EIF4G2: variants seen among roughly 807,000 people sequenced by gnomAD.
EIF4G2 encodes DAP-5.
Under a neutral mutation model 117.7 loss-of-function variants are expected in EIF4G2, and 8 were observed. The observed-to-expected ratio is 0.07, with a 90% CI of 0.04 to 0.12. The LOEUF is 0.12. EIF4G2 is among the 10% of genes least tolerant of loss of function. EIF4G2 has a pLI of 1.00. For missense variants in EIF4G2, 812 were observed against 1,086.2 expected, an observed-to-expected ratio of 0.75 and a Z score of 3.55; for synonymous variants, 413 against 367.8, an observed-to-expected ratio of 1.12 and a Z score of -1.41.
chr11:10,798,845 C>T (rs1847338499), intron 21 of EIF4G2, 147 bp downstream of exon 21: 1 of 950,574 alleles, frequency 1.1e-6, no homozygotes, highest in Non-Finnish European at 1.6e-6. Flanking sequence ...ATAATAGCTT[C>T]AAATAGTGCA....
At chr11:10,808,175 G>A (rs1242155332) in intron 1 of EIF4G2, 20 of 1,114,466 alleles carry the variant, frequency 1.8e-5, no homozygotes, top group African/African-American at 3.5e-5. Flanking sequence ...ACTGACAACC[G>A]CCTCGCCACG....
At chr11:10,806,302 T>C in intron 3 of EIF4G2, 1 of 527,660 alleles carries the variant, frequency 1.9e-6, no homozygotes, top group Non-Finnish European at 3.4e-6. Context: ...GCATGTCTAG[T>C]AAATATTCCC....
At chr11:10,800,674 G>A (rs774005557) in intron 16 of EIF4G2, 27 bp from the exon 17 acceptor site, 2 of 1,613,770 alleles carry the variant, frequency 1.2e-6, no homozygotes, top group Admixed American at 1.7e-5. Context: ...TATCTTTAAT[G>A]TATTCTCTAT....
Position 10,803,619 on chromosome 11 carries a change from A to G in EIF4G2, c.703-29T>C. ...CAAGAATAAAAGGCCATGGTGACAA[A>G]GTTTTAGTTACTCTGGTTTAGGCGT... On this transcript the variant is annotated intron_variant, in intron 8 of 21. Coordinates refer to ENST00000339995, the MANE Select transcript of EIF4G2 (RefSeq NM_001418.4). The surrounding 1 kb of genome is among the most constrained non-coding windows in gnomAD (Gnocchi z 4.0). 1 of 1,577,930 alleles carries G rather than the reference A, an allele frequency of 6.3e-7. No homozygotes were observed. Among genetic ancestry groups the G allele is most frequent in the Non-Finnish European group, 8.7e-7 (1 of 1,149,664 alleles).
rs1034809610 is a variant in EIF4G2 at position 10,804,404 on chromosome 11, G to A, written c.366C>T (p.Ala122=). Residue 122 remains alanine (A), a synonymous_variant, in exon 6 of 22, where the codon GCC becomes GCT. Transcript: ENST00000339995. ...GTGAGCTATACTTTGGCTCTTCTAG[G>A]GCTTTGTCCACAATCTACAGAAAAT... 2 of 1,593,388 alleles carry A rather than the reference G, an allele frequency of 1.3e-6. No individual in the cohort carries two copies. The highest frequency in any genetic ancestry group is 1.7e-6 in the Non-Finnish European group (2 of 1,170,606).
In EIF4G2 at chr11:10,802,194, G is replaced by A. The variant is rs1396551691; in HGVS notation, c.1154C>T (p.Thr385Ile). The change falls in exon 13 of 22, where the codon ACT (threonine) becomes ATT (isoleucine). Residue 385 changes from threonine (T) to isoleucine (I), a missense_variant. Physicochemically the swap from Thr to Ile is moderately conservative, Grantham distance 89. Coordinates refer to ENST00000339995, the MANE Select transcript of EIF4G2 (RefSeq NM_001418.4). ...TCTATCCTGGATAACTCCTGGACCA[G>A]TACCAATTCCGCTACCTTAAAATAC... is the stretch of plus-strand genomic sequence containing the variant. 1 of 1,613,954 alleles carries A rather than the reference G, an allele frequency of 6.2e-7. No individual in the cohort carries two copies. The highest frequency in any genetic ancestry group is 1.3e-5 in the African/African-American group (1 of 74,912).
chr11:10,801,836 A>G, intron 13 of EIF4G2, 62 bp from the exon 14 acceptor site: 1 of 1,499,752 alleles, frequency 6.7e-7, no homozygotes, highest in Non-Finnish European at 9.2e-7. Context: ...ATGGTAATCA[A>G]GTACCAAAGG....
rs1847442023 is a variant in EIF4G2 at position 10,802,212 on chromosome 11, TAAAA to T, written c.1139-7_1139-4del. On this transcript the variant is annotated splice_polypyrimidine_tract_variant and splice_region_variant and intron_variant, in intron 12 of 21. Transcript: ENST00000339995. ...TGGACCAGTACCAATTCCGCTACCT[TAAAA>T]TACATATACGGACAACTCTCAAAAC... The T allele has an allele frequency of 1.9e-6, 3 of 1,613,802 alleles. No homozygotes were observed. The highest frequency in any genetic ancestry group is 2.5e-6 in the Non-Finnish European group (3 of 1,179,918).
chr11:10,807,734 A>AT (rs1487650121), intron 1 of EIF4G2: 1 of 992,868 alleles, frequency 1.0e-6, no homozygotes, highest in African/African-American at 1.7e-5. Flanking sequence ...TGCCCTAGGA[A>AT]TTTTTACTGC....
At chr11:10,805,291 A>G (rs1160475497) in intron 4 of EIF4G2, among the ~76,000 whole-genome samples, 2 of 152,196 alleles carry the variant, frequency 1.3e-5, no homozygotes, top group Non-Finnish European at 2.9e-5. Flanking sequence ...TCAAGGCTAG[A>G]CCATGAACTA....
chr11:10,803,334 A>T lies in EIF4G2; in HGVS notation c.814-40T>A. The T allele has an allele frequency of 3.1e-6, 5 of 1,601,614 alleles. 1 individual carries two copies. The South Asian group carries it at 5.6e-5, about 18-fold the overall frequency. ...ATACATTCATTGGAAGAGCTAAAGC[A>T]AATGTGTTCAATTTACAGCTTTAAG... On this transcript the variant is annotated intron_variant, in intron 9 of 21. Transcript: ENST00000339995. This position sits in a 1 kb window ranked among gnomAD's most constrained non-coding sequence, Gnocchi z 4.0.
At chr11:10,807,700 G>C (rs530444924) in intron 1 of EIF4G2, 65 of 997,658 alleles carry the variant, frequency 6.5e-5, no homozygotes, top group Non-Finnish European at 7.4e-5. Context: ...CTACAGACAC[G>C]AGCAACATCA....
chr11:10,804,871 G>T, intron 5 of EIF4G2, 42 bp downstream of exon 5: 1 of 1,520,780 alleles, frequency 6.6e-7, no homozygotes. Flanking sequence ...TTGTTAAACA[G>T]TTCCCTCTCC....
intron 2 of EIF4G2, 59 bp from the exon 3 acceptor site, chr11:10,806,944 A>AG: frequency 7.0e-7 from 1 of 1,435,098 alleles, no homozygotes; most frequent in Non-Finnish European, 9.2e-7. Context: ...CAAAAAGAAT[A>AG]AGCATCTATT....
At chr11:10,806,321 C>T (rs958270047) in intron 3 of EIF4G2, 11 of 470,622 alleles carry the variant, frequency 2.3e-5, no homozygotes, top group Admixed American at 7.1e-5. Context: ...CCAGTATCAA[C>T]GCTGTGGAAC....
intron 21 of EIF4G2, among the ~76,000 whole-genome samples, chr11:10,798,148 T>C (rs1023414725): frequency 1.3e-5 from 2 of 152,160 alleles, no homozygotes; most frequent in African/African-American, 4.8e-5. Flanking sequence ...CCAATGTTTC[T>C]CAAGCCTGGG....
chr11:10,798,774 A>G, intron 21 of EIF4G2: 1 of 493,432 alleles, frequency 2.0e-6, no homozygotes, highest in Non-Finnish European at 3.5e-6. Context: ...CTCCTTGAAA[A>G]GTTAGCTACC....
chr11:10,802,518 A>T lies in EIF4G2; in HGVS notation c.997-83T>A. The T allele has an allele frequency of 4.9e-6, 7 of 1,430,320 alleles. 1 individual carries two copies. Among genetic ancestry groups the T allele is most frequent in the South Asian group, 4.5e-5 (3 of 67,248 alleles). 88.6% of individuals were successfully genotyped at this position (1,430,320 alleles called of 1,614,324 possible). On this transcript the variant is annotated intron_variant, in intron 11 of 21. Coordinates refer to ENST00000339995, the MANE Select transcript of EIF4G2 (RefSeq NM_001418.4). ...TAAAATTCTTGCAACTAGGGGGGGA[A>T]ACCTAGAATATTAAACCATAATTTA...
Position 10,803,465 on chromosome 11 carries a change from C to A in EIF4G2, c.813+15G>T. ...GACAAACTACTTGTACTACTTTCAT[C>A]AGCTACACACGTACCTTGGCTCGTT... is the stretch of plus-strand genomic sequence containing the variant. On this transcript the variant is annotated intron_variant, in intron 9 of 21. Transcript: ENST00000339995. This position sits in a 1 kb window ranked among gnomAD's most constrained non-coding sequence, Gnocchi z 4.0. 6.2e-7 allele frequency: 1 copy of A among 1,607,418 alleles called. No homozygotes were observed. Among genetic ancestry groups the A allele is most frequent in the Non-Finnish European group, 8.5e-7 (1 of 1,174,218 alleles).
Sources: allele counts gnomAD v4.1 joint callset (sites outside exome capture counted in the v4.1 genomes callset), GRCh38; gene constraint gnomAD v4.1.1; non-coding constraint Gnocchi (gnomAD v3.1); transcripts MANE v1.5; gene names NCBI Gene and HGNC (gene_info 2026-07-23, HGNC 2026-07-21).